The following EPB41L5 variants were observed in gnomAD, a reference collection of about 807,000 sequenced individuals.
EPB41L5 encodes the protein band 4.1-like protein 5.
Under a neutral mutation model 106.6 loss-of-function variants are expected in EPB41L5, and 55 were observed. That is an observed-to-expected ratio of 0.52 (90% CI 0.42 to 0.65). EPB41L5 has a LOEUF of 0.65. EPB41L5 is among the 30% of genes least tolerant of loss of function. The pLI, the probability that EPB41L5 is intolerant of heterozygous loss-of-function variation, is 0.00. For missense variants in EPB41L5, 871 were observed against 882.1 expected (o/e 0.99, Z 0.16); for synonymous variants, 297 against 306.7 (o/e 0.97, Z 0.33).
At chr2:120,059,607 T>G (rs1242734064) in intron 3 of EPB41L5, among the ~76,000 whole-genome samples, 2 of 152,152 alleles carry the variant, frequency 1.3e-5, no homozygotes, top group Non-Finnish European at 2.9e-5. Context: ...GTCTAGCATA[T>G]ATACACAATG....
Position 120,175,692 on chromosome 2 carries a change from G to A in EPB41L5, c.*785G>A, listed in dbSNP as rs1687895203. 1 of 152,056 alleles carries A rather than the reference G, an allele frequency of 6.6e-6. No individual in the cohort carries two copies. Among genetic ancestry groups the A allele is most frequent in the East Asian group, 1.9e-4 (1 of 5,188 alleles). 9.4% of individuals were successfully genotyped at this position (152,056 alleles called of 1,614,324 possible). On this transcript the variant is annotated 3_prime_UTR_variant, in exon 25 of 25. Transcript: ENST00000263713. Reference sequence around the variant, plus strand: ...TGGGTTACTGTTGAAGAGACCCTGGGGCATTTACCTCAGGCATCTGCACTC... The same window carrying A: ...TGGGTTACTGTTGAAGAGACCCTGGAGCATTTACCTCAGGCATCTGCACTC...
At chr2:120,101,331 T>TA (rs1442328861) in intron 16 of EPB41L5, among the ~76,000 whole-genome samples, 5 of 152,236 alleles carry the variant, frequency 3.3e-5, no homozygotes, top group African/African-American at 1.2e-4. Context: ...AGGAAAAAGA[T>TA]ACTTTAATTA....
At chr2:120,120,425 C>G (rs1342486715) in intron 16 of EPB41L5, among the ~76,000 whole-genome samples, 1 of 53,994 alleles carries the variant, frequency 1.9e-5, no homozygotes, top group African/African-American at 6.6e-5. Flanking sequence ...GAGCGACACT[C>G]AATCTCAAAA....
chr2:120,084,448 T>G (rs551921819), intron 10 of EPB41L5, among the ~76,000 whole-genome samples: 2 of 152,228 alleles, frequency 1.3e-5, no homozygotes, highest in African/African-American at 4.8e-5. Flanking sequence ...TGTTGAGTAT[T>G]GGCCCCTAGT....
At chr2:120,135,996 G>T (rs1441831526) in intron 18 of EPB41L5, among the ~76,000 whole-genome samples, 1 of 151,644 alleles carries the variant, frequency 6.6e-6, no homozygotes, top group Non-Finnish European at 1.5e-5. Context: ...TTAGTAGGAA[G>T]GCTAAAAGAC....
chr2:120,177,734 G>GA lies in EPB41L5; in HGVS notation c.*2833dup, dbSNP rs1033447155. 3.3e-5 allele frequency: 5 copies of GA among 152,096 alleles called. No individual in the cohort carries two copies. Among genetic ancestry groups the GA allele is most frequent in the Non-Finnish European group, 7.4e-5 (5 of 68,012 alleles). The allele number at this position is 152,096 out of a possible 1,614,324, so 9.4% of individuals were successfully genotyped here. On this transcript the variant is annotated 3_prime_UTR_variant, in exon 25 of 25. Coordinates refer to ENST00000263713, the MANE Select transcript of EPB41L5 (RefSeq NM_020909.4). ...CCTTAACATTTATACATTGTTTTAA[G>GA]AAAAAACTTTTAAAAATATTTCTTA...
chr2:120,081,177 T>C (rs370298413), intron 10 of EPB41L5, among the ~76,000 whole-genome samples: 3 of 152,240 alleles, frequency 2.0e-5, no homozygotes, highest in East Asian at 1.9e-4. Flanking sequence ...ACATGAAGTC[T>C]TTGCCCATGC....
intron 3 of EPB41L5, among the ~76,000 whole-genome samples, chr2:120,051,161 AATC>A (rs1680253633): frequency 6.6e-6 from 1 of 152,086 alleles, no homozygotes; most frequent in African/African-American, 2.4e-5. Flanking sequence ...GTGCTGGGAG[AATC>A]ACCACTCTCT....
At chr2:120,027,284 A>G (rs376488649) in intron 2 of EPB41L5, among the ~76,000 whole-genome samples, 23 of 152,384 alleles carry the variant, frequency 1.5e-4, no homozygotes, top group African/African-American at 5.3e-4. Flanking sequence ...AAGTAGAAAT[A>G]ACCTGGATGC....
intron 14 of EPB41L5, among the ~76,000 whole-genome samples, chr2:120,097,339 A>G (rs1210646650): frequency 1.3e-5 from 2 of 152,150 alleles, no homozygotes; most frequent in Non-Finnish European, 2.9e-5. Context: ...TTGCCCTTCC[A>G]TTTCTGTTTG....
chr2:120,167,778 G>A lies in EPB41L5; in HGVS notation c.2005-99G>A, dbSNP rs543785250. The A allele has an allele frequency of 3.1e-5, 44 of 1,405,122 alleles. 1 individual carries two copies. The Middle Eastern group carries it at 5.5e-4, about 18-fold the overall frequency. 87.0% of individuals were successfully genotyped at this position (1,405,122 alleles called of 1,614,324 possible). A position where few individuals can be genotyped will look rare whatever the true frequency, so the allele number is the denominator to read the frequency against. On this transcript the variant is annotated intron_variant, in intron 23 of 24. Coordinates refer to ENST00000263713, the MANE Select transcript of EPB41L5 (RefSeq NM_020909.4). ...AGTCATAATTATCAAAACCATCTTC[G>A]TTAATCTCATAGTCATTAGTGAAGC...
chr2:120,145,993 A>G (rs1370324189), intron 19 of EPB41L5, among the ~76,000 whole-genome samples: 1 of 152,038 alleles, frequency 6.6e-6, no homozygotes, highest in Non-Finnish European at 1.5e-5. Flanking sequence ...ATCTAGTAAG[A>G]TTGTGTGAAT....
chr2:120,123,778 C>G (rs1685337871), intron 16 of EPB41L5, among the ~76,000 whole-genome samples: 1 of 151,318 alleles, frequency 6.6e-6, no homozygotes, highest in Non-Finnish European at 1.5e-5. Context: ...CCATCTCAGC[C>G]TCCTGAGTAG....
At chr2:120,033,169 C>A (rs1233200650) in intron 2 of EPB41L5, among the ~76,000 whole-genome samples, 1 of 152,128 alleles carries the variant, frequency 6.6e-6, no homozygotes, top group Non-Finnish European at 1.5e-5. Flanking sequence ...CATGACCATG[C>A]TTTCCATCTT....
rs573669428 is a variant in EPB41L5 at position 120,057,403 on chromosome 2, T to TA, written c.285+15294dup. On this transcript the variant is annotated intron_variant, in intron 3 of 24. Transcript: ENST00000263713. ...TATAGTCCAGTGATGATCTTAAACTTAGAGTTATGAAATCTGTGGACTTAC... is the reference window on the plus strand; with the variant it reads ...TATAGTCCAGTGATGATCTTAAACTTAAGAGTTATGAAATCTGTGGACTTAC... 3.9e-5 allele frequency among the ~76,000 whole-genome samples: 6 copies of TA among 152,336 alleles called. No homozygotes were observed. The South Asian group carries it at 1.2e-3, about 32-fold the overall frequency.
At chr2:120,054,306 T>G (rs1234768185) in intron 3 of EPB41L5, among the ~76,000 whole-genome samples, 2 of 152,238 alleles carry the variant, frequency 1.3e-5, no homozygotes, top group Non-Finnish European at 2.9e-5. Context: ...TTCTGGGTAC[T>G]CAGCCCTAGT....
intron 3 of EPB41L5, among the ~76,000 whole-genome samples, chr2:120,044,076 G>T (rs539507642): frequency 8.6e-5 from 13 of 151,112 alleles, no homozygotes; most frequent in African/African-American, 3.2e-4. Context: ...GGAGTTCAAG[G>T]TTGCAGTGAG....
intron 3 of EPB41L5, among the ~76,000 whole-genome samples, chr2:120,069,338 A>G (rs1681696198): frequency 6.6e-6 from 1 of 152,086 alleles, no homozygotes; most frequent in Admixed American, 6.5e-5. Flanking sequence ...TTAGAGACCT[A>G]CAAAGAGACT....
chr2:120,059,468 A>G (rs1680878143), intron 3 of EPB41L5, among the ~76,000 whole-genome samples: 2 of 152,338 alleles, frequency 1.3e-5, no homozygotes, highest in South Asian at 4.1e-4. Context: ...TTTTTAAAAA[A>G]AAGATAAAAT....
Sources: allele counts gnomAD v4.1 joint callset (sites outside exome capture counted in the v4.1 genomes callset), GRCh38; gene constraint gnomAD v4.1.1; transcripts MANE v1.5; gene names NCBI Gene and HGNC (gene_info 2026-07-23, HGNC 2026-07-21).